Variants in BCAS3 observed in about 807,000 individuals in gnomAD.
The protein encoded by BCAS3 is BCAS4/BCAS3 fusion.
Under a neutral mutation model 116.1 loss-of-function variants are expected in BCAS3, and 53 were observed. The ratio of observed to expected loss-of-function variants is 0.46; its 90% CI spans 0.37 to 0.57. The LOEUF is 0.57. Ranked by LOEUF, BCAS3 falls within the 20% of genes least tolerant of loss-of-function variation. BCAS3 has a pLI of 0.00. For synonymous variants in BCAS3, 391 were observed against 408.2 expected, an observed-to-expected ratio of 0.96 and a Z score of 0.51; for missense variants, 917 against 1,165.4, an observed-to-expected ratio of 0.79 and a Z score of 3.10.
intron 7 of BCAS3, among the ~76,000 whole-genome samples, chr17:60,860,911 G>A (rs1599237378): frequency 6.6e-6 from 1 of 152,302 alleles, no homozygotes; most frequent in Non-Finnish European, 1.5e-5. Context: ...TATAGTTGAA[G>A]TCAAGTAGTG....
At chr17:60,934,563 C>T in intron 13 of BCAS3, among the ~76,000 whole-genome samples, 1 of 152,182 alleles carries the variant, frequency 6.6e-6, no homozygotes, top group East Asian at 1.9e-4. Context: ...TCAGTATACC[C>T]TTACTAGTTG....
Position 60,690,417 on chromosome 17 carries a change from A to G in BCAS3, c.214+656A>G, listed in dbSNP as rs144665816. Among the ~76,000 whole-genome samples the G allele has an allele frequency of 9.2e-5, 14 of 152,070 alleles. No homozygotes were observed. The East Asian group carries it at 2.7e-3, about 29-fold the overall frequency. ...CGACCTTGTCTCTACAAAAACTTAA[A>G]AAATTAACTAGGCTTGGTGGTGTGT... On this transcript the variant is annotated intron_variant, in intron 4 of 23. Transcript: ENST00000407086.
rs1359206423 is a variant in BCAS3, at chr17:61,004,768, T to C, written c.1487-10983T>C. 6.6e-6 allele frequency among the ~76,000 whole-genome samples: 1 copy of C among 152,138 alleles called. No homozygotes were observed. The highest frequency in any genetic ancestry group is 1.5e-5 in the Non-Finnish European group (1 of 68,004). ...TTTTTGCAGGTGAGAATATTGAAGC[T>C]AGAATGAGGCACAAGAGGGAAATTA... On this transcript the variant is annotated intron_variant, in intron 15 of 23. Coordinates refer to ENST00000407086, the MANE Select transcript of BCAS3 (RefSeq NM_017679.5). The surrounding 1 kb of genome is among the most constrained non-coding windows in gnomAD (Gnocchi z 4.8).
At chr17:61,072,614 G>A (rs556975522) in intron 19 of BCAS3, among the ~76,000 whole-genome samples, 9 of 148,422 alleles carry the variant, frequency 6.1e-5, no homozygotes, top group African/African-American at 2.2e-4. Context: ...GTAAGGCATG[G>A]TTACTCACTT....
Position 61,387,876 on chromosome 17 carries a change from C to T in BCAS3, c.2594-4101C>T, listed in dbSNP as rs1446936845. Reference sequence around the variant, plus strand: ...CTCCCACCACCCAGGGGACCACATCCCTGGAGAGTGCAAGGTCACAATGAG... The same window carrying T: ...CTCCCACCACCCAGGGGACCACATCTCTGGAGAGTGCAAGGTCACAATGAG... On this transcript the variant is annotated intron_variant, in intron 23 of 23. Transcript: ENST00000407086. This position sits in a 1 kb window ranked among gnomAD's most constrained non-coding sequence, Gnocchi z 6.2. 2.0e-5 allele frequency among the ~76,000 whole-genome samples: 3 copies of T among 152,162 alleles called. No homozygotes were observed. The highest frequency in any genetic ancestry group is 2.0e-4 in the Admixed American group (3 of 15,278).
rs147334872 is a variant in BCAS3 at position 60,981,017 on chromosome 17, G to A, written c.1222-8954G>A. 1.3e-3 allele frequency among the ~76,000 whole-genome samples: 202 copies of A among 151,874 alleles called. 3 individuals are homozygous for A. The East Asian group carries it at 0.03, about 23-fold the overall frequency. ...CCAGGCTAATGTGTTTTTATTTTTTGTAGAGACAGGTCCTTGCTATGTTGC... is the reference window on the plus strand; with the variant it reads ...CCAGGCTAATGTGTTTTTATTTTTTATAGAGACAGGTCCTTGCTATGTTGC... On this transcript the variant is annotated intron_variant, in intron 14 of 23. Transcript: ENST00000407086.
At chr17:61,074,153 G>A (rs1260471111) in intron 19 of BCAS3, among the ~76,000 whole-genome samples, 1 of 149,902 alleles carries the variant, frequency 6.7e-6, no homozygotes, top group African/African-American at 2.5e-5. Context: ...AATCATGTAT[G>A]AGGTTGGGGG....
chr17:61,339,784 C>T lies in BCAS3; in HGVS notation c.2426-28543C>T, dbSNP rs1214862255. Among the ~76,000 whole-genome samples the T allele has an allele frequency of 6.7e-6, 1 of 150,162 alleles. No individual in the cohort carries two copies. The highest frequency in any genetic ancestry group is 6.7e-5 in the Admixed American group (1 of 14,992). On this transcript the variant is annotated intron_variant, in intron 22 of 23. Coordinates refer to ENST00000407086, the MANE Select transcript of BCAS3 (RefSeq NM_017679.5). This position sits in a 1 kb window ranked among gnomAD's most constrained non-coding sequence, Gnocchi z 4.4. Reference sequence around the variant, plus strand: ...CCATCTAAAAAAAAAAAAAAAAGACCAAGGAGATGAGTGGAAGAGCCAGTA... The same window carrying T: ...CCATCTAAAAAAAAAAAAAAAAGACTAAGGAGATGAGTGGAAGAGCCAGTA...
intron 4 of BCAS3, among the ~76,000 whole-genome samples, chr17:60,698,932 C>T (rs974857719): frequency 1.3e-5 from 2 of 152,100 alleles, no homozygotes; most frequent in African/African-American, 4.8e-5. Context: ...TGGTGGGCAT[C>T]TGTAATCCCA....
chr17:60,963,776 C>T (rs527734158), intron 14 of BCAS3, among the ~76,000 whole-genome samples: 3 of 152,180 alleles, frequency 2.0e-5, no homozygotes, highest in Admixed American at 6.5e-5. Context: ...AGGATGGTCT[C>T]GATCTCCTGA....
chr17:60,898,226 C>G (rs1022924048), intron 10 of BCAS3, among the ~76,000 whole-genome samples: 29 of 152,198 alleles, frequency 1.9e-4, no homozygotes, highest in Non-Finnish European at 3.2e-4. Context: ...TGATTAGAAT[C>G]TGGCTGGAGA....
chr17:61,230,168 CACACACAT>C (rs780570387), intron 22 of BCAS3, among the ~76,000 whole-genome samples: 6 of 115,514 alleles, frequency 5.2e-5, no homozygotes, highest in South Asian at 3.2e-4. Flanking sequence ...CACACACACA[CACACACAT>C]AGTGTTGATA....
chr17:60,959,433 A>G (rs1175954965), intron 14 of BCAS3, among the ~76,000 whole-genome samples: 1 of 152,200 alleles, frequency 6.6e-6, no homozygotes, highest in Non-Finnish European at 1.5e-5. Context: ...GAACAAAACC[A>G]TTAAGAGAAT....
rs939658096 is a variant in BCAS3 at position 61,211,687 on chromosome 17, T to A, written c.2425+127123T>A. On this transcript the variant is annotated intron_variant, in intron 22 of 23. Coordinates refer to ENST00000407086, the MANE Select transcript of BCAS3 (RefSeq NM_017679.5). The surrounding 1 kb of genome is among the most constrained non-coding windows in gnomAD (Gnocchi z 4.4). The stretch of plus-strand genomic sequence containing the variant: ...TTTCTCCATAAAAAAAAAAAAAAAA[T>A]GCCACTGACATTACAGCCAAGGAAC... Among the ~76,000 whole-genome samples the A allele has an allele frequency of 1.1e-3, 150 of 134,294 alleles. 1 individual carries two copies. The highest frequency in any genetic ancestry group is 3.6e-3 in the African/African-American group (127 of 35,282). 88.1% of individuals were successfully genotyped at this position (134,294 alleles called of 152,430 possible).
In BCAS3 at chr17:60,874,675, G is replaced by C; in HGVS notation, c.598G>C (p.Val200Leu). The C allele has an allele frequency of 6.2e-7, 1 of 1,607,576 alleles. No homozygotes were observed. Among genetic ancestry groups the C allele is most frequent in the Non-Finnish European group, 8.5e-7 (1 of 1,176,518 alleles). Residue 200 changes from valine to leucine, a missense_variant, in exon 9 of 24, where the codon GTC (valine) becomes CTC (leucine). Coordinates refer to ENST00000407086, the MANE Select transcript of BCAS3 (RefSeq NM_017679.5). Reference protein sequence around the residue: ...LHCNKRILVVVLQEKIAAFDS... With the variant: ...LHCNKRILVVLLQEKIAAFDS... ...CTCTAATTTTAGGATCCTTGTCGTA[G>C]TCTTGCAGGAGAAAATTGCTGCCTT...
At chr17:61,179,856 G>A (rs1417318954) in intron 22 of BCAS3, among the ~76,000 whole-genome samples, 1 of 140,418 alleles carries the variant, frequency 7.1e-6, no homozygotes, top group African/African-American at 2.6e-5. Flanking sequence ...AAATATCACT[G>A]TTTTTCTCTC....
At chr17:60,950,765 A>G (rs2060788962) in intron 14 of BCAS3, among the ~76,000 whole-genome samples, 1 of 152,196 alleles carries the variant, frequency 6.6e-6, no homozygotes, top group Admixed American at 6.5e-5. Flanking sequence ...AAGTTGAATG[A>G]TGTCCATGTA....
intron 6 of BCAS3, among the ~76,000 whole-genome samples, chr17:60,800,036 A>T (rs2047630294): frequency 6.6e-6 from 1 of 152,076 alleles, no homozygotes; most frequent in Non-Finnish European, 1.5e-5. Flanking sequence ...CCTGCTGTTA[A>T]CATTTGTTCA....
intron 9 of BCAS3, among the ~76,000 whole-genome samples, chr17:60,887,616 A>C (rs2056813933): frequency 6.6e-6 from 1 of 152,118 alleles, no homozygotes; most frequent in African/African-American, 2.4e-5. Context: ...GACTTCTTTC[A>C]CCATTGACTT....
Sources: gnomAD v4.1 joint callset for allele counts (sites outside exome capture counted in the v4.1 genomes callset) on GRCh38, gnomAD v4.1.1 for gene constraint, Gnocchi (gnomAD v3.1) non-coding constraint, MANE v1.5 for transcripts, NCBI Gene and HGNC (gene_info 2026-07-23, HGNC 2026-07-21) for gene names.